SPOCK3: variants seen among roughly 807,000 people sequenced by gnomAD.
SPOCK3 encodes SPARC (osteonectin), cwcv and kazal like domains proteoglycan 3.
A neutral mutation model predicts 56.6 loss-of-function variants in SPOCK3; 30 were observed. The ratio of observed to expected loss-of-function variants is 0.53; its 90% CI spans 0.40 to 0.72. The LOEUF (loss-of-function observed/expected upper bound fraction) is 0.72. Among genes scored for constraint, SPOCK3 ranks in the 30% least tolerant of loss-of-function variants. The pLI is 0.00. For synonymous variants in SPOCK3, 196 were observed against 183.3 expected (o/e 1.07, Z -0.56); for missense variants, 527 against 530.0 (o/e 0.99, Z 0.06).
At chr4:167,098,828 G>A (rs1759388127) in intron 2 of SPOCK3, among the ~76,000 whole-genome samples, 1 of 151,800 alleles carries the variant, frequency 6.6e-6, no homozygotes, top group Non-Finnish European at 1.5e-5. Context: ...GCATCTTCAT[G>A]CCAAATATTC....
chr4:167,109,779 C>G (rs1239382126), intron 2 of SPOCK3, among the ~76,000 whole-genome samples: 1 of 150,584 alleles, frequency 6.6e-6, no homozygotes. Flanking sequence ...CAGAGAAAAA[C>G]CAAAATACTA....
At chr4:167,003,074 T>A (rs116078446) in intron 3 of SPOCK3, among the ~76,000 whole-genome samples, 3 of 12,784 alleles carry the variant, frequency 2.3e-4, no homozygotes, top group Non-Finnish European at 4.4e-4. Context: ...CAGACTGGTA[T>A]GATTATAGCT....
intron 7 of SPOCK3, among the ~76,000 whole-genome samples, chr4:166,790,532 C>T (rs1044599973): frequency 2.0e-5 from 3 of 152,062 alleles, no homozygotes; most frequent in Admixed American, 6.6e-5. Context: ...ATCCTGTGGC[C>T]CACTTTTTCC....
At chr4:166,844,127 C>A (rs533174731) in intron 6 of SPOCK3, among the ~76,000 whole-genome samples, 1 of 152,298 alleles carries the variant, frequency 6.6e-6, no homozygotes. Flanking sequence ...TGGGAAGTTA[C>A]TTAGAAAAGC....
At chr4:166,753,950 C>T (rs1736736505) in intron 8 of SPOCK3, 1 of 265,306 alleles carries the variant, frequency 3.8e-6, no homozygotes, top group Non-Finnish European at 5.8e-6. Context: ...TTTTCACTTA[C>T]CTCACCTCCT....
At chr4:166,845,255 G>A (rs866552695) in intron 6 of SPOCK3, among the ~76,000 whole-genome samples, 19 of 152,186 alleles carry the variant, frequency 1.2e-4, no homozygotes, top group African/African-American at 4.3e-4. Context: ...AGCAATTTAT[G>A]ACTGAACCAT....
At chr4:166,764,714 A>G (rs1373302817) in intron 7 of SPOCK3, among the ~76,000 whole-genome samples, 3 of 152,158 alleles carry the variant, frequency 2.0e-5, no homozygotes, top group East Asian at 1.9e-4. Context: ...CCTTAATGGG[A>G]TGGCTGGGTC....
chr4:166,964,346 T>C (rs891835180), intron 4 of SPOCK3, among the ~76,000 whole-genome samples: 12 of 151,958 alleles, frequency 7.9e-5, no homozygotes, highest in African/African-American at 2.9e-4. Flanking sequence ...TATGTTGCTA[T>C]GGGATTTAAA....
At chr4:167,093,503 TCA>T (rs1758889648) in intron 2 of SPOCK3, among the ~76,000 whole-genome samples, 1 of 152,144 alleles carries the variant, frequency 6.6e-6, no homozygotes, top group Non-Finnish European at 1.5e-5. Context: ...TCATGTGTTC[TCA>T]TTGTTCAACT....
intron 2 of SPOCK3, among the ~76,000 whole-genome samples, chr4:167,207,265 T>A (rs1202697584): frequency 6.6e-6 from 1 of 152,038 alleles, no homozygotes; most frequent in African/African-American, 2.4e-5. Context: ...AATAAACTAT[T>A]ACTTTGACAA....
intron 4 of SPOCK3, among the ~76,000 whole-genome samples, chr4:166,919,700 A>G (rs1738275350): frequency 6.6e-6 from 1 of 152,198 alleles, no homozygotes; most frequent in Non-Finnish European, 1.5e-5. Flanking sequence ...AGATATAAAG[A>G]GTCATTACCA....
intron 7 of SPOCK3, among the ~76,000 whole-genome samples, chr4:166,764,048 C>T (rs7689431): frequency 0.33 from 50,132 of 151,696 alleles, 8,447 homozygotes; most frequent in Admixed American, 0.42. Context: ...TGGTTTGGGG[C>T]CCTTGATGGC....
intron 2 of SPOCK3, among the ~76,000 whole-genome samples, chr4:167,185,381 A>G (rs971906980): frequency 2.6e-5 from 4 of 152,152 alleles, no homozygotes; most frequent in African/African-American, 9.7e-5. Flanking sequence ...TGTTACCCAT[A>G]CTTCCAAGAG....
chr4:167,037,649 A>G (rs1211341822), intron 3 of SPOCK3, among the ~76,000 whole-genome samples: 1 of 152,192 alleles, frequency 6.6e-6, no homozygotes, highest in African/African-American at 2.4e-5. Flanking sequence ...GAGAGCCCAG[A>G]AGGCACTTGA....
chr4:166,739,517 A>T (rs908280524), intron 9 of SPOCK3, among the ~76,000 whole-genome samples: 3 of 152,140 alleles, frequency 2.0e-5, no homozygotes, highest in South Asian at 2.1e-4. Flanking sequence ...CTGGGATTAC[A>T]GGCATGAGCC....
At chr4:167,052,719 C>G (rs1470664305) in intron 3 of SPOCK3, among the ~76,000 whole-genome samples, 3 of 152,120 alleles carry the variant, frequency 2.0e-5, no homozygotes. Context: ...TGGATCAGAC[C>G]TTTCTATTGT....
intron 2 of SPOCK3, among the ~76,000 whole-genome samples, chr4:167,159,528 T>TA (rs1765100400): frequency 6.6e-6 from 1 of 152,136 alleles, no homozygotes; most frequent in Non-Finnish European, 1.5e-5. Flanking sequence ...GAATCCTCCC[T>TA]AACTCATTTT....
intron 6 of SPOCK3, among the ~76,000 whole-genome samples, chr4:166,794,259 T>C (rs112308657): frequency 1.8e-4 from 27 of 147,804 alleles, no homozygotes; most frequent in Non-Finnish European, 3.9e-4. Context: ...TATGAATGCT[T>C]ACACTGTAGC....
At chr4:166,854,463 T>C (rs537052011) in intron 6 of SPOCK3, among the ~76,000 whole-genome samples, 6 of 152,346 alleles carry the variant, frequency 3.9e-5, no homozygotes, top group Non-Finnish European at 2.9e-5. Context: ...CACAAATAGC[T>C]ACAATAAATT....
Sources: allele counts gnomAD v4.1 joint callset (sites outside exome capture counted in the v4.1 genomes callset), GRCh38; gene constraint gnomAD v4.1.1; transcripts MANE v1.5; gene names NCBI Gene and HGNC (gene_info 2026-07-23, HGNC 2026-07-21).